Variants in TRIB1 observed in about 807,000 individuals in gnomAD.
The protein encoded by TRIB1 is tribbles pseudokinase 1.
TRIB1 carries 12 observed loss-of-function variants against 27.8 expected under a neutral mutation model. The observed-to-expected ratio is 0.43, with a 90% CI of 0.28 to 0.70. The LOEUF is 0.70. TRIB1 is among the 30% of genes least tolerant of loss of function. The pLI is 0.18. For synonymous variants in TRIB1, 230 were observed against 224.9 expected (o/e 1.02, Z -0.20); for missense variants, 475 against 515.8 (o/e 0.92, Z 0.77).
rs2129805451 is a variant in TRIB1 at position 125,431,126 on chromosome 8, C to T, written c.224C>T (p.Ala75Val). The change falls in exon 1 of 3, where the codon GCT (alanine) becomes GTT (valine). Residue 75 changes from alanine (A) to valine (V), a missense_variant. By Grantham distance (64) the Ala-to-Val change is moderately conservative. Coordinates refer to ENST00000311922, the MANE Select transcript of TRIB1 (RefSeq NM_025195.4). ...TGCAGCCCGCAGCCCCCGCCTGCCG[C>T]TCCGGGGGCCGGCGGAGGCTCCGGG... is the stretch of plus-strand genomic sequence containing the variant. ...SPCSPQPPPA[A>V]PGAGGGSGSA... 1.5e-6 allele frequency: 2 copies of T among 1,319,302 alleles called. No individual in the cohort carries two copies. Among genetic ancestry groups the T allele is most frequent in the Non-Finnish European group, 1.9e-6 (2 of 1,042,328 alleles). 81.7% of individuals were successfully genotyped at this position (1,319,302 alleles called of 1,614,324 possible). A position where few individuals can be genotyped will look rare whatever the true frequency, so the allele number is the denominator to read the frequency against.
In TRIB1 at chr8:125,433,544, C is replaced by A; in HGVS notation, c.588C>A (p.Cys196Ter). 6.2e-7 allele frequency: 1 copy of A among 1,613,828 alleles called. No homozygotes were observed. The highest frequency in any genetic ancestry group is 8.5e-7 in the Non-Finnish European group (1 of 1,179,768). ...AGATTGTCTCCGCCGTCGCCCACTG[C>A]CACCAGTCAGCCATCGTGCTGGGGG... ...FKQIVSAVAH[C>*]HQSAIVLGDL... Residue 196 changes from cysteine (C) to a stop codon, truncating the protein, a stop_gained, in exon 2 of 3, where the codon TGC becomes TGA. Coordinates refer to ENST00000311922, the MANE Select transcript of TRIB1 (RefSeq NM_025195.4). LOFTEE classifies it high-confidence loss of function. The surrounding 1 kb of genome is among the most constrained non-coding windows in gnomAD (Gnocchi z 4.4).
intron 1 of TRIB1, chr8:125,432,858 CCTTT>C (rs1814681212): frequency 6.3e-6 from 1 of 159,020 alleles, no homozygotes; most frequent in Non-Finnish European, 1.4e-5. Flanking sequence ...CATTCTGTGC[CCTTT>C]CTGTGTTGAG....
chr8:125,432,933 G>A, intron 1 of TRIB1: 1 of 193,580 alleles, frequency 5.2e-6, no homozygotes, highest in Non-Finnish European at 1.1e-5. Flanking sequence ...TCCTGGACAG[G>A]CCAGGGGCTT....
chr8:125,436,345 G>A lies in TRIB1; in HGVS notation c.993G>A (p.Glu331=). 6.2e-7 allele frequency: 1 copy of A among 1,613,936 alleles called. No homozygotes were observed. Among genetic ancestry groups the A allele is most frequent in the Non-Finnish European group, 8.5e-7 (1 of 1,180,010 alleles). ...REPSERLTAP[E]ILLHPWFESV... ...CCTCCGAGAGACTCACTGCCCCCGA[G>A]ATCCTACTGCACCCCTGGTTTGAGT... is the stretch of plus-strand genomic sequence containing the variant. The change falls in exon 3 of 3, where the codon GAG becomes GAA. Residue 331 remains glutamate (E), a synonymous_variant. Coordinates refer to ENST00000311922, the MANE Select transcript of TRIB1 (RefSeq NM_025195.4).
rs1257256547 is a variant in TRIB1 at position 125,436,097 on chromosome 8, G to A, written c.745G>A (p.Val249Met). 1.9e-6 allele frequency: 3 copies of A among 1,614,118 alleles called. No individual in the cohort carries two copies. Among genetic ancestry groups the A allele is most frequent in the Non-Finnish European group, 2.5e-6 (3 of 1,180,016 alleles). ...AGACAAACATGGCTGCCCAGCCTAC[G>A]TGAGCCCTGAGATCCTCAACACCAC... ...LSDKHGCPAY[V>M]SPEILNTTGT... Residue 249 changes from valine (V) to methionine (M), a missense_variant, in exon 3 of 3, where the codon GTG becomes ATG. By Grantham distance (21) the Val-to-Met change is conservative. Coordinates refer to ENST00000311922, the MANE Select transcript of TRIB1 (RefSeq NM_025195.4).
In TRIB1 at chr8:125,436,821, A is replaced by G. The variant is rs1814760176; in HGVS notation, c.*350A>G. 1 of 295,820 alleles carries G rather than the reference A, an allele frequency of 3.4e-6. No homozygotes were observed. Among genetic ancestry groups the G allele is most frequent in the African/African-American group, 2.2e-5 (1 of 46,378 alleles). 18.3% of individuals were successfully genotyped at this position (295,820 alleles called of 1,614,324 possible). On this transcript the variant is annotated 3_prime_UTR_variant, in exon 3 of 3. Coordinates refer to ENST00000311922, the MANE Select transcript of TRIB1 (RefSeq NM_025195.4). ...GAGCATTCGAATGGGAGAAAAAGCAAATCGCACAATGACATATTTTGAGTA... is the reference window on the plus strand; with the variant it reads ...GAGCATTCGAATGGGAGAAAAAGCAGATCGCACAATGACATATTTTGAGTA...
In TRIB1 at chr8:125,433,788, T is replaced by A; in HGVS notation, c.653+179T>A. ...GCCAAGGTTGGTTTATTCTGCATTC[T>A]CTTGGACGGGGCCTGGGGACACCGT... is the stretch of plus-strand genomic sequence containing the variant. On this transcript the variant is annotated intron_variant, in intron 2 of 2. Transcript: ENST00000311922. This position sits in a 1 kb window ranked among gnomAD's most constrained non-coding sequence, Gnocchi z 4.4. The A allele has an allele frequency of 1.4e-6, 1 of 718,634 alleles. No homozygotes were observed. Among genetic ancestry groups the A allele is most frequent in the Non-Finnish European group, 2.2e-6 (1 of 447,806 alleles). The allele number at this position is 718,634 out of a possible 1,614,324, so 44.5% of individuals were successfully genotyped here.
At position 125,436,599 on chromosome 8, in the gene TRIB1, A is replaced by C. The variant is rs901051681; in HGVS notation, c.*128A>C. On this transcript the variant is annotated 3_prime_UTR_variant, in exon 3 of 3. Transcript: ENST00000311922. ...CAGGATGAAAGCTGCTGAACTCGGC[A>C]TGGCGCCTCCTCTTCTCTGTTGGGA... 3 of 858,552 alleles carry C rather than the reference A, an allele frequency of 3.5e-6. No homozygotes were observed. The highest frequency in any genetic ancestry group is 3.4e-5 in the African/African-American group (2 of 58,668). The allele number at this position is 858,552 out of a possible 1,614,324, so 53.2% of individuals were successfully genotyped here.
Position 125,436,780 on chromosome 8 carries a change from A to G in TRIB1, c.*309A>G, listed in dbSNP as rs1203626590. ...ATGGACATCTTACACCCGGTGGTCA[A>G]GTGTGTAATAAACTTGAGCATTCGA... On this transcript the variant is annotated 3_prime_UTR_variant, in exon 3 of 3. Coordinates refer to ENST00000311922, the MANE Select transcript of TRIB1 (RefSeq NM_025195.4). The G allele has an allele frequency of 9.4e-6, 4 of 423,660 alleles. No homozygotes were observed. Among genetic ancestry groups the G allele is most frequent in the Non-Finnish European group, 1.3e-5 (3 of 233,968 alleles). The allele number at this position is 423,660 out of a possible 1,614,324, so 26.2% of individuals were successfully genotyped here.
In TRIB1 at chr8:125,433,322, TC is replaced by T; in HGVS notation, c.369del (p.Ile124LeufsTer26). 6.2e-7 allele frequency: 1 copy of T among 1,612,608 alleles called. No homozygotes were observed. The highest frequency in any genetic ancestry group is 8.5e-7 in the Non-Finnish European group (1 of 1,178,724). The stretch of plus-strand genomic sequence containing the variant: ...GGCCCCCCTTCTCTCTACAGGTGTT[TC>T]CCATTAAACACTACCAGGACAAAAT... The part of the protein sequence containing the change: ...TGRELRCKVF[P>X]IKHYQDKIRP... On this transcript the variant is annotated frameshift_variant, in exon 2 of 3. Coordinates refer to ENST00000311922, the MANE Select transcript of TRIB1 (RefSeq NM_025195.4). LOFTEE classifies it high-confidence loss of function. This position sits in a 1 kb window ranked among gnomAD's most constrained non-coding sequence, Gnocchi z 4.4.
rs757119456 is a variant in TRIB1, at chr8:125,436,270, C to A, written c.918C>A (p.His306Gln). Reference sequence around the variant, plus strand: ...GTGGACAGTTCTGCATTCCTGAGCACATTTCCCCCAAAGCCAGGTGCCTCA... The same window carrying A: ...GTGGACAGTTCTGCATTCCTGAGCAAATTTCCCCCAAAGCCAGGTGCCTCA... ...IRRGQFCIPE[H>Q]ISPKARCLIR... The change falls in exon 3 of 3, where the codon CAC becomes CAA. Residue 306 changes from histidine to glutamine, a missense_variant. Physicochemically the swap from His to Gln is conservative, Grantham distance 24. Transcript: ENST00000311922. 1.1e-5 allele frequency: 17 copies of A among 1,614,012 alleles called. No homozygotes were observed. The highest frequency in any genetic ancestry group is 2.7e-5 in the African/African-American group (2 of 74,886).
Position 125,436,405 on chromosome 8 carries a change from A to C in TRIB1, c.1053A>C (p.Ile351=). Residue 351 remains isoleucine (I), a synonymous_variant, in exon 3 of 3, where the codon ATA becomes ATC. Transcript: ENST00000311922. ...AACCCGGGTACATCGACTCAGAAATAGGAACTTCAGACCAGATTGTTCCAG... is the reference window on the plus strand; with the variant it reads ...AACCCGGGTACATCGACTCAGAAATCGGAACTTCAGACCAGATTGTTCCAG... ...VLEPGYIDSE[I]GTSDQIVPEY... 6.2e-7 allele frequency: 1 copy of C among 1,613,984 alleles called. No homozygotes were observed. The highest frequency in any genetic ancestry group is 8.5e-7 in the Non-Finnish European group (1 of 1,180,018).
rs1431615670 is a variant in TRIB1, at chr8:125,433,565, G to T, written c.609G>T (p.Leu203=). The change falls in exon 2 of 3, where the codon CTG becomes CTT. Residue 203 remains leucine, a synonymous_variant. Coordinates refer to ENST00000311922, the MANE Select transcript of TRIB1 (RefSeq NM_025195.4). The surrounding 1 kb of genome is among the most constrained non-coding windows in gnomAD (Gnocchi z 4.4). ...ACTGCCACCAGTCAGCCATCGTGCT[G>T]GGGGACCTGAAGCTTAGGAAGTTCG... The part of the protein sequence containing the change: ...VAHCHQSAIV[L]GDLKLRKFVF... The T allele has an allele frequency of 1.4e-5, 23 of 1,612,572 alleles. No individual in the cohort carries two copies. The highest frequency in any genetic ancestry group is 2.0e-5 in the Non-Finnish European group (23 of 1,178,890).
In TRIB1 at chr8:125,431,168, G is replaced by A; in HGVS notation, c.266G>A (p.Ser89Asn). 1 of 1,298,626 alleles carries A rather than the reference G, an allele frequency of 7.7e-7. No homozygotes were observed. Among genetic ancestry groups the A allele is most frequent in the Non-Finnish European group, 9.7e-7 (1 of 1,028,422 alleles). 80.4% of individuals were successfully genotyped at this position (1,298,626 alleles called of 1,614,324 possible). The change falls in exon 1 of 3, where the codon AGC (serine) becomes AAC (asparagine). Residue 89 changes from serine to asparagine, a missense_variant. By Grantham distance (46) the Ser-to-Asn change is conservative (BLOSUM62 1). Coordinates refer to ENST00000311922, the MANE Select transcript of TRIB1 (RefSeq NM_025195.4). ...GGGSGSAPGP[S>N]RIADYLLLPL... ...GGCTCCGGGAGCGCGCCGGGGCCCA[G>A]CCGCATCGCCGACTACCTGCTGCTG... is the stretch of plus-strand genomic sequence containing the variant.
At position 125,437,350 on chromosome 8, in the gene TRIB1, T is replaced by C. The variant is rs1463240935; in HGVS notation, c.*879T>C. 1 of 152,378 alleles carries C rather than the reference T, an allele frequency of 6.6e-6. No homozygotes were observed. Among genetic ancestry groups the C allele is most frequent in the East Asian group, 1.9e-4 (1 of 5,346 alleles). 9.4% of individuals were successfully genotyped at this position (152,378 alleles called of 1,614,324 possible). ...AAGACCATCTCAGGGTGGAGCATTCTGTCTAAGAGAAGAAAGATAAGGAGG... is the reference window on the plus strand; with the variant it reads ...AAGACCATCTCAGGGTGGAGCATTCCGTCTAAGAGAAGAAAGATAAGGAGG... On this transcript the variant is annotated 3_prime_UTR_variant, in exon 3 of 3. Coordinates refer to ENST00000311922, the MANE Select transcript of TRIB1 (RefSeq NM_025195.4).
At chr8:125,431,611 C>G (rs1396044047) in intron 1 of TRIB1, among the ~76,000 whole-genome samples, 1 of 152,246 alleles carries the variant, frequency 6.6e-6, no homozygotes, top group Non-Finnish European at 1.5e-5. Context: ...TCTCCACCCC[C>G]CCTCCCCCGC....
chr8:125,430,885 A>T lies in TRIB1; in HGVS notation c.-18A>T, dbSNP rs1428712791. 7.2e-7 allele frequency: 1 copy of T among 1,393,574 alleles called. No individual in the cohort carries two copies. The highest frequency in any genetic ancestry group is 9.3e-7 in the Non-Finnish European group (1 of 1,080,854). The allele number at this position is 1,393,574 out of a possible 1,614,324, so 86.3% of individuals were successfully genotyped here. A position where few individuals can be genotyped will look rare whatever the true frequency, so the allele number is the denominator to read the frequency against. ...TCCCGGGACTTAAAAAGCCGGGGCC[A>T]CCCCGGCCCAGGACGGGATGCGGGT... On this transcript the variant is annotated 5_prime_UTR_variant, in exon 1 of 3. Coordinates refer to ENST00000311922, the MANE Select transcript of TRIB1 (RefSeq NM_025195.4).
At position 125,430,838 on chromosome 8, in the gene TRIB1, C is replaced by A; in HGVS notation, c.-65C>A. ...AGAAGTCGCGGAGCCGGCACCAAAC[C>A]CGCAGCGTCTTCCCGCGCGGATCCC... On this transcript the variant is annotated 5_prime_UTR_variant, in exon 1 of 3. Transcript: ENST00000311922. 7.4e-7 allele frequency: 1 copy of A among 1,357,748 alleles called. No individual in the cohort carries two copies. The highest frequency in any genetic ancestry group is 9.4e-7 in the Non-Finnish European group (1 of 1,061,282). 84.1% of individuals were successfully genotyped at this position (1,357,748 alleles called of 1,614,324 possible).
Position 125,430,579 on chromosome 8 carries a change from G to A in TRIB1, c.-324G>A, listed in dbSNP as rs541477829. On this transcript the variant is annotated 5_prime_UTR_variant, in exon 1 of 3. Coordinates refer to ENST00000311922, the MANE Select transcript of TRIB1 (RefSeq NM_025195.4). ...GGGATCGCTGACCGCTGCCGCCGCC[G>A]CCTCTGCCTCCCGGACTATCGGCAG... 1.6e-5 allele frequency: 4 copies of A among 255,718 alleles called. No individual in the cohort carries two copies. The East Asian group carries it at 2.9e-4, about 18-fold the overall frequency. 15.8% of individuals were successfully genotyped at this position (255,718 alleles called of 1,614,324 possible).
Sources: allele counts gnomAD v4.1 joint callset (sites outside exome capture counted in the v4.1 genomes callset), GRCh38; gene constraint gnomAD v4.1.1; non-coding constraint Gnocchi (gnomAD v3.1); transcripts MANE v1.5; gene names NCBI Gene and HGNC (gene_info 2026-07-23, HGNC 2026-07-21).